Variants in THSD7A observed in about 807,000 individuals in gnomAD.
The protein encoded by THSD7A is thrombospondin type 1 domain containing 7A, also known as thrombospondin type-1 domain-containing protein 7A.
Under a neutral mutation model 231.3 loss-of-function variants are expected in THSD7A, and 96 were observed. The ratio of observed to expected loss-of-function variants is 0.41; its 90% CI spans 0.35 to 0.49. The LOEUF (loss-of-function observed/expected upper bound fraction) is 0.49, where lower values mean the gene tolerates loss of function less well. Ranked by LOEUF, THSD7A falls within the 20% of genes least tolerant of loss-of-function variation. The probability of loss-of-function intolerance (pLI) is 0.05; values close to 1 mark genes in which losing one functional copy is unlikely to be tolerated. For synonymous variants in THSD7A, 940 were observed against 743.3 expected (o/e 1.26, Z -4.30); for missense variants, 2,290 against 2,070.2 (o/e 1.11, Z -2.06).
In THSD7A at chr7:11,377,593, A is replaced by C. The variant is rs1486489939; in HGVS notation, c.4802-936T>G. Among the ~76,000 whole-genome samples, 1 of 152,078 alleles carries C rather than the reference A, an allele frequency of 6.6e-6. No individual in the cohort carries two copies. The highest frequency in any genetic ancestry group is 1.5e-5 in the Non-Finnish European group (1 of 67,990). ...CGGAGTTAGATCAAGTTAGAGGTTC[A>C]TTTGCTGGGAATAAACTCAATTAAT... is the stretch of plus-strand genomic sequence containing the variant. On this transcript the variant is annotated intron_variant, in intron 26 of 27. Coordinates refer to ENST00000423059, the MANE Select transcript of THSD7A (RefSeq NM_015204.3). This position sits in a 1 kb window ranked among gnomAD's most constrained non-coding sequence, Gnocchi z 4.5.
intron 1 of THSD7A, among the ~76,000 whole-genome samples, chr7:11,685,356 A>G (rs888779122): frequency 2.6e-5 from 4 of 152,004 alleles, no homozygotes; most frequent in African/African-American, 9.7e-5. Context: ...AAATGCAGCA[A>G]AAACACAAAT....
At chr7:11,450,123 C>A (rs1156821663) in intron 11 of THSD7A, among the ~76,000 whole-genome samples, 1 of 151,984 alleles carries the variant, frequency 6.6e-6, no homozygotes, top group African/African-American at 2.4e-5. Context: ...GTCTTTCTTA[C>A]AAATTTTGTT....
At chr7:11,683,553 C>T (rs898263380) in intron 1 of THSD7A, among the ~76,000 whole-genome samples, 4 of 151,762 alleles carry the variant, frequency 2.6e-5, no homozygotes, top group African/African-American at 9.7e-5. Flanking sequence ...TACAACCAAT[C>T]CCAAAGAAAC....
intron 17 of THSD7A, chr7:11,413,809 C>T (rs917463310): frequency 4.6e-5 from 7 of 152,234 alleles, no homozygotes; most frequent in African/African-American, 1.4e-4. Context: ...ATGTCTAACA[C>T]CCAGGGCTCT....
chr7:11,610,328 T>C (rs1057132954), intron 2 of THSD7A, among the ~76,000 whole-genome samples: 8 of 152,146 alleles, frequency 5.3e-5, no homozygotes, highest in Non-Finnish European at 1.0e-4. Context: ...CACTTGTTTA[T>C]TTTGCCTCAA....
chr7:11,699,250 C>G (rs1780500028), intron 1 of THSD7A, among the ~76,000 whole-genome samples: 1 of 150,870 alleles, frequency 6.6e-6, no homozygotes, highest in Non-Finnish European at 1.5e-5. Context: ...TGACCCAGGG[C>G]CACAAAGAAG....
chr7:11,460,829 C>A, intron 10 of THSD7A, 64 bp from the exon 11 acceptor site: 1 of 1,313,310 alleles, frequency 7.6e-7, no homozygotes, highest in Non-Finnish European at 1.1e-6. Flanking sequence ...CACAGAGACA[C>A]AGCAGCATGG....
intron 1 of THSD7A, among the ~76,000 whole-genome samples, chr7:11,716,682 A>G (rs1420783625): frequency 6.6e-6 from 1 of 151,450 alleles, no homozygotes; most frequent in Non-Finnish European, 1.5e-5. Flanking sequence ...TCTTATTGCC[A>G]TTCATCTATA....
At chr7:11,778,156 C>CA (rs57740181) in intron 1 of THSD7A, among the ~76,000 whole-genome samples, 11,269 of 44,862 alleles carry the variant, frequency 0.25, 2,117 homozygotes, top group South Asian at 0.35. Flanking sequence ...GACTCCGTCT[C>CA]AAAAAAAAAA....
intron 4 of THSD7A, among the ~76,000 whole-genome samples, chr7:11,552,586 C>T (rs1249596937): frequency 6.6e-6 from 1 of 151,974 alleles, no homozygotes; most frequent in Admixed American, 6.6e-5. Flanking sequence ...TACAGAAGTC[C>T]TTGGTAAGGT....
At chr7:11,686,445 A>G (rs1009172122) in intron 1 of THSD7A, among the ~76,000 whole-genome samples, 4 of 151,940 alleles carry the variant, frequency 2.6e-5, no homozygotes. Context: ...AAGATACATA[A>G]CAACATGTAC....
rs989663944 is a variant in THSD7A at position 11,632,489 on chromosome 7, G to C, written c.1022+3641C>G. On this transcript the variant is annotated intron_variant, in intron 2 of 27. Coordinates refer to ENST00000423059, the MANE Select transcript of THSD7A (RefSeq NM_015204.3). The surrounding 1 kb of genome is among the most constrained non-coding windows in gnomAD (Gnocchi z 4.1). ...TATTGTTTATATTTTCAATTGATTA[G>C]CTGGAGTATTCCAGAATTATCGTAA... is the stretch of plus-strand genomic sequence containing the variant. Among the ~76,000 whole-genome samples the C allele has an allele frequency of 2.6e-5, 4 of 151,958 alleles. No individual in the cohort carries two copies. The highest frequency in any genetic ancestry group is 5.9e-5 in the Non-Finnish European group (4 of 67,996).
At chr7:11,409,194 AC>A (rs1201007227) in intron 19 of THSD7A, among the ~76,000 whole-genome samples, 1 of 152,212 alleles carries the variant, frequency 6.6e-6, no homozygotes, top group Non-Finnish European at 1.5e-5. Flanking sequence ...TGTCTGAAAA[AC>A]ACTGAAGATA....
chr7:11,568,972 G>GT (rs1469140441), intron 4 of THSD7A, among the ~76,000 whole-genome samples: 1 of 123,456 alleles, frequency 8.1e-6, no homozygotes, highest in African/African-American at 3.4e-5. Context: ...AAGCAATCCC[G>GT]TTTACAATAG....
chr7:11,566,965 T>TG (rs1554339240), intron 4 of THSD7A, among the ~76,000 whole-genome samples: 5,049 of 93,292 alleles, frequency 0.054, 1,044 homozygotes, highest in African/African-American at 0.15. Flanking sequence ...TGTGGGAGAG[T>TG]GGGGGGGGGA....
intron 1 of THSD7A, among the ~76,000 whole-genome samples, chr7:11,712,948 G>A (rs1343683061): frequency 6.6e-6 from 1 of 150,814 alleles, no homozygotes; most frequent in Non-Finnish European, 1.5e-5. Context: ...TCTAAGCCTA[G>A]GAATAAGCAT....
chr7:11,722,259 G>A (rs1445556216), intron 1 of THSD7A, among the ~76,000 whole-genome samples: 1 of 151,820 alleles, frequency 6.6e-6, no homozygotes, highest in Non-Finnish European at 1.5e-5. Context: ...CCCTTTGTAA[G>A]ACTAATGAAA....
At chr7:11,729,368 A>G (rs11982434) in intron 1 of THSD7A, among the ~76,000 whole-genome samples, 2,951 of 151,862 alleles carry the variant, frequency 0.019, 102 homozygotes, top group African/African-American at 0.068. Flanking sequence ...GATGAAGTAG[A>G]TTCTGGAGTA....
At chr7:11,502,326 C>CACA (rs928545383) in intron 6 of THSD7A, among the ~76,000 whole-genome samples, 1 of 152,058 alleles carries the variant, frequency 6.6e-6, no homozygotes, top group Non-Finnish European at 1.5e-5. Context: ...ATGGCAGAGA[C>CACA]ACAACAACAA....
Sources: allele counts gnomAD v4.1 joint callset (sites outside exome capture counted in the v4.1 genomes callset), GRCh38; gene constraint gnomAD v4.1.1; non-coding constraint Gnocchi (gnomAD v3.1); transcripts MANE v1.5; gene names NCBI Gene and HGNC (gene_info 2026-07-23, HGNC 2026-07-21).